Variants in BBS4 observed in about 807,000 individuals in gnomAD.
The protein encoded by BBS4 is BBSome complex member BBS4.
In BBS4, 58 loss-of-function variants were observed where a neutral mutation model predicts 71.4. The observed-to-expected ratio is 0.81, with a 90% CI of 0.66 to 1.01. The LOEUF is 1.01. BBS4 is among the 50% of genes least tolerant of loss of function. The pLI is 0.00. For synonymous variants in BBS4, 228 were observed against 216.8 expected, an observed-to-expected ratio of 1.05 and a Z score of -0.46; for missense variants, 660 against 607.9, an observed-to-expected ratio of 1.09 and a Z score of -0.90.
At chr15:72,711,970 C>T (rs1376703507) in intron 3 of BBS4, among the ~76,000 whole-genome samples, 7 of 151,944 alleles carry the variant, frequency 4.6e-5, no homozygotes, top group Non-Finnish European at 7.4e-5. Flanking sequence ...TGGGTTCAAG[C>T]GATTCTCCTT....
intron 7 of BBS4, 48 bp from the exon 8 acceptor site, chr15:72,724,480 C>G (rs373391880): frequency 1.2e-6 from 2 of 1,610,550 alleles, no homozygotes; most frequent in Non-Finnish European, 1.7e-6. Context: ...AGGTATAGTT[C>G]GTTCAGTGGT....
intron 10 of BBS4, among the ~76,000 whole-genome samples, chr15:72,731,065 C>CTTTTTTTTTTTTTTTTTTTTTTTTTTTT (rs35004414): frequency 1.3e-5 from 1 of 77,610 alleles, no homozygotes; most frequent in African/African-American, 5.7e-5. Flanking sequence ...AACATTTTAT[C>CTTTTTTTTTTTTTTTTTTTTTTTTTTTT]TTTTTTTTTT....
chr15:72,733,086 A>G (rs747000855), intron 12 of BBS4, among the ~76,000 whole-genome samples: 2 of 152,164 alleles, frequency 1.3e-5, no homozygotes, highest in Non-Finnish European at 2.9e-5. Context: ...TAGGGGTTAT[A>G]TCTAGGAATT....
At chr15:72,718,451 CTG>C (rs1400934716) in intron 6 of BBS4, among the ~76,000 whole-genome samples, 1 of 152,144 alleles carries the variant, frequency 6.6e-6, no homozygotes, top group Non-Finnish European at 1.5e-5. Context: ...ACATTCATAT[CTG>C]TGAGTGAAGA....
chr15:72,722,227 G>A (rs1044610847), intron 6 of BBS4, among the ~76,000 whole-genome samples: 1 of 152,204 alleles, frequency 6.6e-6, no homozygotes, highest in Non-Finnish European at 1.5e-5. Context: ...GACTTCTGCA[G>A]ATGGCTCCAA....
chr15:72,738,155 TG>T lies in BBS4; in HGVS notation c.*569del. 2.2e-6 allele frequency: 1 copy of T among 450,960 alleles called. No homozygotes were observed. The highest frequency in any genetic ancestry group is 2.4e-5 in the Admixed American group (1 of 41,916). The allele number at this position is 450,960 out of a possible 1,614,324, so 27.9% of individuals were successfully genotyped here. A position where few individuals can be genotyped will look rare whatever the true frequency, so the allele number is the denominator to read the frequency against. ...GCCTGCTGAGTATTGCAGCTGCATT[TG>T]CCCAAAGGGAATCCAGAACAAGTCC... is the stretch of plus-strand genomic sequence containing the variant. On this transcript the variant is annotated 3_prime_UTR_variant, in exon 16 of 16. Coordinates refer to ENST00000268057, the MANE Select transcript of BBS4 (RefSeq NM_033028.5).
At chr15:72,694,241 G>A (rs2150996019) in intron 1 of BBS4, among the ~76,000 whole-genome samples, 2 of 150,210 alleles carry the variant, frequency 1.3e-5, no homozygotes, top group Middle Eastern at 6.9e-3. Flanking sequence ...CCCAGGCCGG[G>A]GGGCGATGGT....
chr15:72,717,064 G>C (rs1168596493), intron 6 of BBS4: 1 of 567,970 alleles, frequency 1.8e-6, no homozygotes, highest in Non-Finnish European at 3.1e-6. Context: ...GTTTGCTGAC[G>C]AGCAGTCTCT....
At chr15:72,733,183 G>A (rs2065858575) in intron 12 of BBS4, among the ~76,000 whole-genome samples, 1 of 152,192 alleles carries the variant, frequency 6.6e-6, no homozygotes, top group Non-Finnish European at 1.5e-5. Context: ...AGTGGGGTGT[G>A]ATGGTACATA....
intron 8 of BBS4, among the ~76,000 whole-genome samples, chr15:72,726,822 G>T (rs2065711709): frequency 2.0e-5 from 3 of 152,204 alleles, no homozygotes. Flanking sequence ...AGCTCTTTGA[G>T]AATAGCATAC....
At chr15:72,715,501 T>TA in intron 5 of BBS4, 99 bp downstream of exon 5, 1 of 831,388 alleles carries the variant, frequency 1.2e-6, no homozygotes, top group Non-Finnish European at 2.1e-6. Flanking sequence ...ATCAGCCTGA[T>TA]ACACAAGTGG....
intron 2 of BBS4, among the ~76,000 whole-genome samples, chr15:72,698,734 A>G (rs2065120589): frequency 1.3e-5 from 2 of 152,314 alleles, no homozygotes; most frequent in South Asian, 4.1e-4. Context: ...TTCTAGAAAT[A>G]TGTCATTTCC....
chr15:72,734,948 T>A, intron 12 of BBS4, 165 bp from the exon 13 acceptor site: 1 of 648,008 alleles, frequency 1.5e-6, no homozygotes, highest in South Asian at 1.6e-5. Flanking sequence ...TGGCAACTGA[T>A]TGACTGTAGA....
chr15:72,734,027 A>C (rs1298053463), intron 12 of BBS4, among the ~76,000 whole-genome samples: 1 of 152,126 alleles, frequency 6.6e-6, no homozygotes, highest in African/African-American at 2.4e-5. Flanking sequence ...TCAGTGATAG[A>C]GTTTTTCATA....
At chr15:72,713,390 C>G (rs1368350147) in intron 4 of BBS4, among the ~76,000 whole-genome samples, 2 of 151,644 alleles carry the variant, frequency 1.3e-5, no homozygotes, top group African/African-American at 4.9e-5. Flanking sequence ...TACACTGAGT[C>G]AAGATTATAA....
At chr15:72,710,532 C>T (rs1360026825) in intron 3 of BBS4, among the ~76,000 whole-genome samples, 1 of 151,868 alleles carries the variant, frequency 6.6e-6, no homozygotes, top group Non-Finnish European at 1.5e-5. Context: ...TCTCTTACTG[C>T]AAGGTTGATC....
intron 6 of BBS4, among the ~76,000 whole-genome samples, chr15:72,721,596 T>A (rs539869614): frequency 6.6e-6 from 1 of 152,338 alleles, no homozygotes; most frequent in East Asian, 1.9e-4. Flanking sequence ...TGCTGAAAAT[T>A]AAAGTAACAT....
rs1403373636 is a variant in BBS4 at position 72,697,179 on chromosome 15, T to G, written c.76+1951T>G. 4.6e-5 allele frequency among the ~76,000 whole-genome samples: 7 copies of G among 152,254 alleles called. No homozygotes were observed. In the South Asian group the frequency reaches 1.2e-3, roughly 27 times the overall value. ...AACTCCTGACCTCAAGTGATCCACC[T>G]GCTTTGGCCCCCCAAAGTACTGGGA... On this transcript the variant is annotated intron_variant, in intron 2 of 15. Coordinates refer to ENST00000268057, the MANE Select transcript of BBS4 (RefSeq NM_033028.5).
At chr15:72,726,483 A>G (rs529998959) in intron 8 of BBS4, among the ~76,000 whole-genome samples, 34 of 152,274 alleles carry the variant, frequency 2.2e-4, no homozygotes, top group African/African-American at 8.2e-4. Context: ...CCTTAATAGA[A>G]TGTCTGGTCT....
Sources: gnomAD v4.1 joint callset for allele counts (sites outside exome capture counted in the v4.1 genomes callset) on GRCh38, gnomAD v4.1.1 for gene constraint, MANE v1.5 for transcripts, NCBI Gene and HGNC (gene_info 2026-07-23, HGNC 2026-07-21) for gene names.